SEC14L6: variants seen among roughly 807,000 people sequenced by gnomAD.
SEC14L6 encodes the protein SEC14-like protein 6.
In SEC14L6, 40 loss-of-function variants were observed where a neutral mutation model predicts 54.1. The observed-to-expected ratio is 0.74, with a 90% CI of 0.57 to 0.96. SEC14L6 has a LOEUF of 0.96. SEC14L6 is among the 40% of genes least tolerant of loss of function. The pLI, the probability that SEC14L6 is intolerant of heterozygous loss-of-function variation, is 0.00. For synonymous variants in SEC14L6, 171 were observed against 198.4 expected (o/e 0.86, Z 1.16); for missense variants, 471 against 498.3 (o/e 0.95, Z 0.52).
In SEC14L6 at chr22:30,524,821, C is replaced by T; in HGVS notation, c.*176G>A. The T allele has an allele frequency of 3.4e-6, 2 of 585,476 alleles. No individual in the cohort carries two copies. The highest frequency in any genetic ancestry group is 3.9e-5 in the South Asian group (2 of 50,986). The allele number at this position is 585,476 out of a possible 1,614,324, so 36.3% of individuals were successfully genotyped here. ...CTTTGCTGTGACCATCGGGCCACCA[C>T]TAGGACACTGTCCCAGCCGTTCCTG... On this transcript the variant is annotated 3_prime_UTR_variant, in exon 12 of 12. Transcript: ENST00000402034.
At chr22:30,539,999 C>A (rs1183923743) in intron 1 of SEC14L6, among the ~76,000 whole-genome samples, 3 of 152,356 alleles carry the variant, frequency 2.0e-5, no homozygotes, top group South Asian at 4.1e-4. Flanking sequence ...AAAGAGTCAG[C>A]AGGTCCCACT....
chr22:30,537,929 A>T (rs2085627848), intron 2 of SEC14L6, among the ~76,000 whole-genome samples: 1 of 152,234 alleles, frequency 6.6e-6, no homozygotes, highest in Admixed American at 6.5e-5. Flanking sequence ...GCCTGATTCT[A>T]GAATTCCAAT....
At chr22:30,534,534 C>T (rs539851436) in intron 2 of SEC14L6, among the ~76,000 whole-genome samples, 155 of 151,968 alleles carry the variant, frequency 1.0e-3, no homozygotes, top group Non-Finnish European at 1.6e-3. Flanking sequence ...GCCTCAGTCT[C>T]CTGAGTAGCT....
At chr22:30,531,329 C>T (rs1355678073) in intron 6 of SEC14L6, among the ~76,000 whole-genome samples, 1 of 151,732 alleles carries the variant, frequency 6.6e-6, no homozygotes, top group Non-Finnish European at 1.5e-5. Flanking sequence ...GTTGCTTGAA[C>T]CTGGCAGGTG....
chr22:30,532,873 G>A lies in SEC14L6; in HGVS notation c.175-17C>T, dbSNP rs1937032026. 6.2e-7 allele frequency: 1 copy of A among 1,611,714 alleles called. No individual in the cohort carries two copies. Among genetic ancestry groups the A allele is most frequent in the Admixed American group, 1.7e-5 (1 of 59,410 alleles). ...CTCCATATGCTGCAGAGACACGGCA[G>A]GAGGTGGTGAAGATTCTGCCTGTCC... On this transcript the variant is annotated splice_polypyrimidine_tract_variant and intron_variant, in intron 3 of 11. Transcript: ENST00000402034.
intron 8 of SEC14L6, among the ~76,000 whole-genome samples, chr22:30,526,401 C>T (rs980244231): frequency 7.2e-5 from 11 of 152,332 alleles, no homozygotes; most frequent in African/African-American, 2.6e-4. Context: ...GTCAGTTCCC[C>T]ACAAGCTGCT....
At chr22:30,532,404 C>T (rs1416263069) in intron 5 of SEC14L6, 121 bp downstream of exon 5, 27 of 1,308,584 alleles carry the variant, frequency 2.1e-5, no homozygotes, top group Non-Finnish European at 2.0e-6. Context: ...CCTGCATTCA[C>T]TCCACAGTAC....
chr22:30,541,153 T>G (rs2085701495), intron 1 of SEC14L6, among the ~76,000 whole-genome samples: 1 of 152,210 alleles, frequency 6.6e-6, no homozygotes. Flanking sequence ...TACTTTGTTT[T>G]CTTTTTAAAA....
chr22:30,533,880 A>G (rs1450161264), intron 3 of SEC14L6, 116 bp downstream of exon 3: 3 of 1,014,322 alleles, frequency 3.0e-6, no homozygotes, highest in Admixed American at 4.3e-5. Flanking sequence ...TCCAGTCTCA[A>G]TGAATGGGTG....
intron 2 of SEC14L6, among the ~76,000 whole-genome samples, chr22:30,537,021 CAAAAAAA>C (rs11383409): frequency 3.8e-5 from 3 of 78,510 alleles, no homozygotes; most frequent in South Asian, 5.0e-4. Context: ...GACTCTGACT[CAAAAAAA>C]AAAAAAAAAA....
rs200964494 is a variant in SEC14L6, at chr22:30,532,812, G to A, written c.219C>T (p.Ala73=). The A allele has an allele frequency of 6.2e-7, 1 of 1,613,546 alleles. No homozygotes were observed. Among genetic ancestry groups the A allele is most frequent in the African/African-American group, 1.3e-5 (1 of 74,922 alleles). Residue 73 remains alanine, a synonymous_variant, in exon 4 of 12, where the codon GCC becomes GCT. Transcript: ENST00000402034. ...AGATGCTCACCTCTGGGGGCTGCCA[G>A]GCAAGGATGTTGGCCAGGTCTTGTT... ...RKQQDLANIL[A]WQPPEVVRLY... is the part of the protein sequence containing the mutation.
chr22:30,529,184 C>G lies in SEC14L6; in HGVS notation c.581-14G>C. ...ATAGCTTGGGGGCTGAAACCAGGCA[C>G]AGAACTGCTCCCTCAGGCGGCTGGC... On this transcript the variant is annotated splice_polypyrimidine_tract_variant and intron_variant, in intron 7 of 11. Transcript: ENST00000402034. The G allele has an allele frequency of 6.4e-7, 1 of 1,550,826 alleles. No homozygotes were observed. Among genetic ancestry groups the G allele is most frequent in the Non-Finnish European group, 8.7e-7 (1 of 1,146,982 alleles).
chr22:30,526,150 TC>T (rs1936772832), intron 8 of SEC14L6, among the ~76,000 whole-genome samples: 1 of 152,008 alleles, frequency 6.6e-6, no homozygotes. Context: ...CTAGGTCCTG[TC>T]CCAGGCCTGC....
At chr22:30,529,503 A>G (rs896500785) in intron 6 of SEC14L6, among the ~76,000 whole-genome samples, 154 bp from the exon 7 acceptor site, 18 of 152,164 alleles carry the variant, frequency 1.2e-4, no homozygotes, top group Non-Finnish European at 2.4e-4. Flanking sequence ...CCCAGACACC[A>G]AGAACCCACC....
chr22:30,532,430 A>T, intron 5 of SEC14L6, 95 bp downstream of exon 5: 1 of 1,361,430 alleles, frequency 7.3e-7, no homozygotes, highest in Non-Finnish European at 9.8e-7. Context: ...GGAGCCGAGG[A>T]GCCCAGGAGC....
At chr22:30,534,745 C>T (rs1937091499) in intron 2 of SEC14L6, among the ~76,000 whole-genome samples, 1 of 152,172 alleles carries the variant, frequency 6.6e-6, no homozygotes, top group Admixed American at 6.5e-5. Flanking sequence ...CCAAACTCAT[C>T]TGGGAACTAT....
chr22:30,533,558 G>A (rs1425247376), intron 3 of SEC14L6, among the ~76,000 whole-genome samples: 6 of 150,916 alleles, frequency 4.0e-5, no homozygotes, highest in East Asian at 2.0e-4. Context: ...CTAAGATCAC[G>A]TCATTATACT....
chr22:30,531,930 C>G lies in SEC14L6; in HGVS notation c.492G>C (p.Trp164Cys). 1 of 1,550,800 alleles carries G rather than the reference C, an allele frequency of 6.4e-7. No individual in the cohort carries two copies. The highest frequency in any genetic ancestry group is 8.7e-7 in the Non-Finnish European group (1 of 1,147,036). ...CCTGGAGAAGCTCTATTCCTGGCTT[C>G]CACAGATCCCTCAGGCCCAGCCCTT... ...GLEGLGLRDL[W>C]KPGIELLQEF... Residue 164 changes from tryptophan to cysteine, a missense_variant, in exon 6 of 12, where the codon TGG becomes TGC. Coordinates refer to ENST00000402034, the MANE Select transcript of SEC14L6 (RefSeq NM_001193336.4).
intron 1 of SEC14L6, among the ~76,000 whole-genome samples, chr22:30,545,825 T>G (rs1172503026): frequency 6.6e-6 from 1 of 151,782 alleles, no homozygotes; most frequent in Non-Finnish European, 1.5e-5. Flanking sequence ...TGTTTTGTTT[T>G]GTTTTTGTTT....
Sources: gnomAD v4.1 joint callset for allele counts (sites outside exome capture counted in the v4.1 genomes callset) on GRCh38, gnomAD v4.1.1 for gene constraint, MANE v1.5 for transcripts, NCBI Gene and HGNC (gene_info 2026-07-23, HGNC 2026-07-21) for gene names.